Variants in PTK7 observed in about 807,000 individuals in gnomAD.
PTK7 encodes the protein inactive tyrosine-protein kinase 7.
Under a neutral mutation model 116.6 loss-of-function variants are expected in PTK7, and 39 were observed. The ratio of observed to expected loss-of-function variants is 0.33; its 90% CI spans 0.26 to 0.44. The LOEUF (loss-of-function observed/expected upper bound fraction) is 0.44. Ranked by LOEUF, PTK7 falls within the 20% of genes least tolerant of loss-of-function variation. The pLI is 1.00. For synonymous variants in PTK7, 546 were observed against 563.6 expected, an observed-to-expected ratio of 0.97 and a Z score of 0.44; for missense variants, 1,169 against 1,425.6, an observed-to-expected ratio of 0.82 and a Z score of 2.90.
At chr6:43,111,558 C>G (rs1026169690) in intron 1 of PTK7, among the ~76,000 whole-genome samples, 1 of 152,206 alleles carries the variant, frequency 6.6e-6, no homozygotes, top group African/African-American at 2.4e-5. Context: ...TCCAAACTCA[C>G]ATAATACTTC....
In PTK7 at chr6:43,130,491, C is replaced by A. The variant is rs1021772091; in HGVS notation, c.662-20C>A. On this transcript the variant is annotated intron_variant, in intron 4 of 19. Transcript: ENST00000230419. ...GCCTCACCACCCAGGCTGCATGCTC[C>A]CCCATCTTTCCCTCTCCAGATGAAA... 1.1e-5 allele frequency: 17 copies of A among 1,612,182 alleles called. No homozygotes were observed. The highest frequency in any genetic ancestry group is 1.3e-5 in the Non-Finnish European group (15 of 1,178,786).
intron 1 of PTK7, among the ~76,000 whole-genome samples, chr6:43,122,481 A>G (rs1179209474): frequency 1.3e-5 from 2 of 152,078 alleles, no homozygotes; most frequent in African/African-American, 2.4e-5. Context: ...GAAGCTGGCA[A>G]ACCTCTCCCT....
Position 43,076,452 on chromosome 6 carries a change from C to T in PTK7, c.-37C>T, listed in dbSNP as rs1766006709. 2.0e-6 allele frequency: 3 copies of T among 1,511,226 alleles called. No homozygotes were observed. The highest frequency in any genetic ancestry group is 2.6e-6 in the Non-Finnish European group (3 of 1,136,524). 93.6% of individuals were successfully genotyped at this position (1,511,226 alleles called of 1,614,324 possible). A position where few individuals can be genotyped will look rare whatever the true frequency, so the allele number is the denominator to read the frequency against. On this transcript the variant is annotated 5_prime_UTR_variant, in exon 1 of 20. Coordinates refer to ENST00000230419, the MANE Select transcript of PTK7 (RefSeq NM_002821.5). The surrounding 1 kb of genome is among the most constrained non-coding windows in gnomAD (Gnocchi z 5.7). ...CCGCGGAGCGCAGTCTGCGCGCCCGCCGTGCGCCCTCAGCTCCTTTTCCTG... is the reference window on the plus strand; with the variant it reads ...CCGCGGAGCGCAGTCTGCGCGCCCGTCGTGCGCCCTCAGCTCCTTTTCCTG...
At position 43,094,495 on chromosome 6, in the gene PTK7, C is replaced by G. The variant is rs866565351; in HGVS notation, c.79+17928C>G. The stretch of plus-strand genomic sequence containing the variant: ...TTTTTTTTTTTTTTGAGACGGAGTC[C>G]GTCTCGTCGCCCAGGCTGGAGTGCA... On this transcript the variant is annotated intron_variant, in intron 1 of 19. Coordinates refer to ENST00000230419, the MANE Select transcript of PTK7 (RefSeq NM_002821.5). Among the ~76,000 whole-genome samples, 6 of 150,290 alleles carry G rather than the reference C, an allele frequency of 4.0e-5. No homozygotes were observed. In the South Asian group the frequency reaches 1.3e-3, roughly 32 times the overall value.
intron 17 of PTK7, among the ~76,000 whole-genome samples, chr6:43,155,469 C>T (rs1391233232): frequency 1.3e-5 from 2 of 151,934 alleles, no homozygotes; most frequent in Non-Finnish European, 2.9e-5. Flanking sequence ...GGTGAAACTT[C>T]GTTTCTACTA....
chr6:43,130,467 C>G, intron 4 of PTK7, 44 bp from the exon 5 acceptor site: 1 of 1,609,272 alleles, frequency 6.2e-7, no homozygotes, highest in Non-Finnish European at 8.5e-7. Context: ...CACAGGAGGG[C>G]CTCACCACCC....
Position 43,142,086 on chromosome 6 carries a change from G to A in PTK7, c.1919+5G>A. 1 of 1,612,828 alleles carries A rather than the reference G, an allele frequency of 6.2e-7. No individual in the cohort carries two copies. The highest frequency in any genetic ancestry group is 8.5e-7 in the Non-Finnish European group (1 of 1,179,488). On this transcript the variant is annotated splice_donor_5th_base_variant and intron_variant, in intron 12 of 19. Transcript: ENST00000230419. ...CCCCACCAAGCTGGGACCCAGGTAGGGCCACCTCTCTCCCACACCCGTCCC... is the reference window on the plus strand; with the variant it reads ...CCCCACCAAGCTGGGACCCAGGTAGAGCCACCTCTCTCCCACACCCGTCCC...
chr6:43,123,910 C>T (rs570827665), intron 1 of PTK7, among the ~76,000 whole-genome samples: 4 of 152,260 alleles, frequency 2.6e-5, no homozygotes, highest in African/African-American at 7.2e-5. Context: ...GGGTGGTGGC[C>T]GCTGTCCCCA....
rs1445447919 is a variant in PTK7 at position 43,143,895 on chromosome 6, T to G, written c.2251+275T>G. 6.6e-6 allele frequency among the ~76,000 whole-genome samples: 1 copy of G among 152,176 alleles called. No homozygotes were observed. The highest frequency in any genetic ancestry group is 1.9e-4 in the East Asian group (1 of 5,190). On this transcript the variant is annotated intron_variant, in intron 14 of 19. Transcript: ENST00000230419. The surrounding 1 kb of genome is among the most constrained non-coding windows in gnomAD (Gnocchi z 4.2). ...TCCTCCCAGCACAAAACCACAGATA[T>G]CATTAGTATATGTACACACGTTGCT...
At chr6:43,144,772 C>T (rs1419993305) in intron 15 of PTK7, 166 bp downstream of exon 15, 3 of 744,412 alleles carry the variant, frequency 4.0e-6, no homozygotes, top group Non-Finnish European at 6.1e-6. Flanking sequence ...GCCTGTTATT[C>T]ACTGCCCTTC....
chr6:43,105,450 CAAAAA>C (rs34623759), intron 1 of PTK7, among the ~76,000 whole-genome samples: 6 of 93,430 alleles, frequency 6.4e-5, no homozygotes, highest in Middle Eastern at 6.6e-3. Flanking sequence ...AACTGTATAG[CAAAAA>C]AAAAAAAAAA....
At chr6:43,155,591 G>A (rs910955299) in intron 17 of PTK7, among the ~76,000 whole-genome samples, 1 of 151,618 alleles carries the variant, frequency 6.6e-6, no homozygotes, top group African/African-American at 2.4e-5. Flanking sequence ...GGAGGTTGCA[G>A]TGAGCCGAGA....
At chr6:43,100,932 G>A (rs187971894) in intron 1 of PTK7, among the ~76,000 whole-genome samples, 176 of 152,298 alleles carry the variant, frequency 1.2e-3, no homozygotes, top group African/African-American at 4.1e-3. Context: ...TCTTAAAAAC[G>A]ATTGAAAGAT....
chr6:43,085,933 C>CA (rs752791085), intron 1 of PTK7, among the ~76,000 whole-genome samples: 1,186 of 72,164 alleles, frequency 0.016, 8 homozygotes, highest in African/African-American at 0.044. Flanking sequence ...AACTCTGTCT[C>CA]AAAAAAAAAA....
chr6:43,122,091 G>A (rs1432998065), intron 1 of PTK7, among the ~76,000 whole-genome samples: 1 of 152,190 alleles, frequency 6.6e-6, no homozygotes, highest in African/African-American at 2.4e-5. Flanking sequence ...GCAGTGAGCC[G>A]TGCTTGCATC....
At chr6:43,102,288 G>A (rs1434163264) in intron 1 of PTK7, among the ~76,000 whole-genome samples, 1 of 152,206 alleles carries the variant, frequency 6.6e-6, no homozygotes, top group Non-Finnish European at 1.5e-5. Flanking sequence ...AGCTGGGCAT[G>A]GTGGCGGGCG....
intron 17 of PTK7, among the ~76,000 whole-genome samples, chr6:43,157,328 A>C (rs1441064163): frequency 4.1e-3 from 9 of 2,200 alleles, no homozygotes; most frequent in South Asian, 0.04. Context: ...CACACACGCT[A>C]TATATATATA....
Position 43,145,228 on chromosome 6 carries a change from G to A in PTK7, c.2436G>A (p.Leu812=). Residue 812 remains leucine, a synonymous_variant, in exon 16 of 20, where the codon CTG becomes CTA. Coordinates refer to ENST00000230419, the MANE Select transcript of PTK7 (RefSeq NM_002821.5). This position sits in a 1 kb window ranked among gnomAD's most constrained non-coding sequence, Gnocchi z 4.8. ...LGKSEFGEVF[L]AKAQGLEEGV... is the part of the protein sequence containing the mutation. The stretch of plus-strand genomic sequence containing the variant: ...AGAGTGAGTTTGGGGAGGTGTTCCT[G>A]GCAAAGGCTCAGGGCTTGGAGGAGG... 1 of 1,612,310 alleles carries A rather than the reference G, an allele frequency of 6.2e-7. No individual in the cohort carries two copies. Among genetic ancestry groups the A allele is most frequent in the Non-Finnish European group, 8.5e-7 (1 of 1,178,862 alleles).
chr6:43,129,705 G>C lies in PTK7; in HGVS notation c.368-22G>C, dbSNP rs45624340. ...CCTTTGCCCTGCTCTGCCCCTCACTGCAACCGTGGCCTCTGCTACAGGGAT... is the reference window on the plus strand; with the variant it reads ...CCTTTGCCCTGCTCTGCCCCTCACTCCAACCGTGGCCTCTGCTACAGGGAT... On this transcript the variant is annotated intron_variant, in intron 2 of 19. Coordinates refer to ENST00000230419, the MANE Select transcript of PTK7 (RefSeq NM_002821.5). The surrounding 1 kb of genome is among the most constrained non-coding windows in gnomAD (Gnocchi z 4.5). The C allele has an allele frequency of 0.057, 92,280 of 1,610,206 alleles. 2,943 individuals carry two copies. The highest frequency in any genetic ancestry group is 0.065 in the Non-Finnish European group (76,323 of 1,176,610).
Sources: gnomAD v4.1 joint callset for allele counts (sites outside exome capture counted in the v4.1 genomes callset) on GRCh38, gnomAD v4.1.1 for gene constraint, Gnocchi (gnomAD v3.1) non-coding constraint, MANE v1.5 for transcripts, NCBI Gene and HGNC (gene_info 2026-07-23, HGNC 2026-07-21) for gene names.